Variants in ANKRD44 observed in about 807,000 individuals in gnomAD.
The protein encoded by ANKRD44 is ankyrin repeat domain 44, also known as serine/threonine-protein phosphatase 6 regulatory ankyrin repeat subunit B.
ANKRD44 carries 35 observed loss-of-function variants against 116.0 expected under a neutral mutation model. That is an observed-to-expected ratio of 0.30 (90% CI 0.23 to 0.40). ANKRD44 has a LOEUF of 0.40. Among genes scored for constraint, ANKRD44 ranks in the 10% least tolerant of loss-of-function variants. The pLI is 1.00. For missense variants in ANKRD44, 1,014 were observed against 1,242.6 expected (o/e 0.82, Z 2.77); for synonymous variants, 435 against 461.8 (o/e 0.94, Z 0.74).
rs568715116 is a variant in ANKRD44, at chr2:197,252,470, G to A, written c.27+58108C>T. Reference sequence around the variant, plus strand: ...CGCCCAGGCTGGAGCGCAGTAGCGCGATCTCGGCTCACTGCAAGCTCCGCC... The same window carrying A: ...CGCCCAGGCTGGAGCGCAGTAGCGCAATCTCGGCTCACTGCAAGCTCCGCC... On this transcript the variant is annotated intron_variant, in intron 1 of 27. Transcript: ENST00000282272. Among the ~76,000 whole-genome samples the A allele has an allele frequency of 3.9e-3, 587 of 152,058 alleles. 3 individuals are homozygous for A. The highest frequency in any genetic ancestry group is 0.014 in the African/African-American group (562 of 41,472).
At chr2:197,178,366 G>A (rs2080419527) in intron 2 of ANKRD44, among the ~76,000 whole-genome samples, 1 of 152,086 alleles carries the variant, frequency 6.6e-6, no homozygotes, top group African/African-American at 2.4e-5. Context: ...AGCTACTTGG[G>A]AAGCTGAGGC....
chr2:197,051,309 C>T (rs139161585), intron 16 of ANKRD44, among the ~76,000 whole-genome samples: 1 of 152,104 alleles, frequency 6.6e-6, no homozygotes, highest in Admixed American at 6.6e-5. Context: ...CACAATAGAG[C>T]CCAACCTTCT....
chr2:197,129,290 C>T (rs772935822), intron 4 of ANKRD44, among the ~76,000 whole-genome samples: 6 of 152,116 alleles, frequency 3.9e-5, no homozygotes, highest in African/African-American at 7.2e-5. Flanking sequence ...TGCGCCACCA[C>T]GTCCAGCTAA....
intron 16 of ANKRD44, among the ~76,000 whole-genome samples, chr2:197,056,472 T>C (rs1472839793): frequency 6.6e-6 from 1 of 152,168 alleles, no homozygotes; most frequent in African/African-American, 2.4e-5. Context: ...TGTTGAAAAT[T>C]GTAATTTTTT....
intron 4 of ANKRD44, among the ~76,000 whole-genome samples, chr2:197,131,317 G>A (rs867875976): frequency 8.4e-4 from 126 of 150,714 alleles, no homozygotes; most frequent in Admixed American, 5.6e-3. Context: ...TCAGCCTCCC[G>A]AGTAGCTGGG....
intron 3 of ANKRD44, among the ~76,000 whole-genome samples, chr2:197,141,021 A>C (rs562080869): frequency 6.6e-6 from 1 of 152,280 alleles, no homozygotes; most frequent in Admixed American, 6.5e-5. Flanking sequence ...GTTCGAGGCC[A>C]ACCTGGCCAA....
At chr2:197,151,724 C>G (rs1435466387) in intron 2 of ANKRD44, among the ~76,000 whole-genome samples, 1 of 152,170 alleles carries the variant, frequency 6.6e-6, no homozygotes, top group African/African-American at 2.4e-5. Flanking sequence ...TTTAAAATAT[C>G]TAGCCCTCTA....
chr2:197,097,996 A>G (rs1282168509), intron 10 of ANKRD44, among the ~76,000 whole-genome samples: 2 of 152,140 alleles, frequency 1.3e-5, no homozygotes, highest in African/African-American at 4.8e-5. Context: ...TGTCTTTATA[A>G]CGACTGTTCC....
chr2:196,976,361 A>G (rs2075760563), intron 21 of ANKRD44, among the ~76,000 whole-genome samples: 1 of 152,002 alleles, frequency 6.6e-6, no homozygotes, highest in Admixed American at 6.6e-5. Context: ...ATAGTGGGAG[A>G]CTGGATTCTT....
intron 4 of ANKRD44, chr2:197,133,947 C>CTTTCTTTTTTTTTTTTTTTT (rs1574519359): frequency 5.3e-5 from 3 of 56,458 alleles, no homozygotes; most frequent in East Asian, 9.5e-4. Context: ...CTTTTTCTTT[C>CTTTCTTTTTTTTTTTTTTTT]TTTTTTTTTT....
At chr2:196,997,770 G>A (rs1404873539) in intron 25 of ANKRD44, among the ~76,000 whole-genome samples, 2 of 150,858 alleles carry the variant, frequency 1.3e-5, no homozygotes, top group Non-Finnish European at 2.9e-5. Context: ...TTTTATGGAA[G>A]AAGGAATCTT....
At chr2:197,031,374 C>T (rs2076703793) in intron 16 of ANKRD44, among the ~76,000 whole-genome samples, 2 of 152,122 alleles carry the variant, frequency 1.3e-5, no homozygotes, top group Non-Finnish European at 2.9e-5. Context: ...GGTCTTGCTA[C>T]ATTACCTAGG....
chr2:196,987,148 A>G lies in ANKRD44; in HGVS notation c.*2443T>C. Reference sequence around the variant, plus strand: ...CAAACACTCAGATTGTCACTATCTTAAAATGCTTTTCCCCTATAATACTGA... The same window carrying G: ...CAAACACTCAGATTGTCACTATCTTGAAATGCTTTTCCCCTATAATACTGA... On this transcript the variant is annotated 3_prime_UTR_variant, in exon 28 of 28. Coordinates refer to ENST00000282272, the MANE Select transcript of ANKRD44 (RefSeq NM_001195144.2). The G allele has an allele frequency of 1.0e-6, 1 of 985,196 alleles. No individual in the cohort carries two copies. Among genetic ancestry groups the G allele is most frequent in the Non-Finnish European group, 1.2e-6 (1 of 829,688 alleles). 61.0% of individuals were successfully genotyped at this position (985,196 alleles called of 1,614,324 possible). A position where few individuals can be genotyped will look rare whatever the true frequency, so the allele number is the denominator to read the frequency against.
At chr2:196,997,416 A>ATCTT (rs2076032454) in intron 25 of ANKRD44, among the ~76,000 whole-genome samples, 1 of 148,820 alleles carries the variant, frequency 6.7e-6, no homozygotes, top group African/African-American at 2.5e-5. Flanking sequence ...GATATAAAAG[A>ATCTT]TAAATTATAT....
rs575419094 is a variant in ANKRD44 at position 197,091,076 on chromosome 2, G to A, written c.1101-1044C>T. ...ACGCTGGCCCTTTGCCCTCGCTGGC[G>A]GAGGGCAGCTGCCTTATGCAAAAAG... On this transcript the variant is annotated intron_variant, in intron 10 of 27. Coordinates refer to ENST00000282272, the MANE Select transcript of ANKRD44 (RefSeq NM_001195144.2). Among the ~76,000 whole-genome samples the A allele has an allele frequency of 5.3e-5, 8 of 152,368 alleles. No homozygotes were observed. The East Asian group carries it at 7.7e-4, about 15-fold the overall frequency.
chr2:197,185,720 C>G (rs1433093953), intron 2 of ANKRD44, among the ~76,000 whole-genome samples: 1 of 151,972 alleles, frequency 6.6e-6, no homozygotes, highest in Non-Finnish European at 1.5e-5. Context: ...AGTCAGATAC[C>G]TTTTTAAGAA....
rs1330641709 is a variant in ANKRD44 at position 197,212,860 on chromosome 2, G to A, written c.28-25754C>T. ...CGGTGAGAGAGAAAAAAGGAAACACGACCCCACAGCTTCCTCTGCATCTCA... is the reference window on the plus strand; with the variant it reads ...CGGTGAGAGAGAAAAAAGGAAACACAACCCCACAGCTTCCTCTGCATCTCA... On this transcript the variant is annotated intron_variant, in intron 1 of 27. Coordinates refer to ENST00000282272, the MANE Select transcript of ANKRD44 (RefSeq NM_001195144.2). The surrounding 1 kb of genome is among the most constrained non-coding windows in gnomAD (Gnocchi z 4.8). Among the ~76,000 whole-genome samples, 5 of 152,110 alleles carry A rather than the reference G, an allele frequency of 3.3e-5. No individual in the cohort carries two copies. The highest frequency in any genetic ancestry group is 7.2e-5 in the African/African-American group (3 of 41,408).
intron 21 of ANKRD44, among the ~76,000 whole-genome samples, chr2:196,973,293 GT>G (rs1201222309): frequency 6.6e-6 from 1 of 151,670 alleles, no homozygotes; most frequent in Non-Finnish European, 1.5e-5. Flanking sequence ...TGTTTTCTGT[GT>G]TTTTCCTATC....
intron 9 of ANKRD44, among the ~76,000 whole-genome samples, chr2:197,102,673 A>G (rs1465144724): frequency 6.6e-6 from 1 of 152,182 alleles, no homozygotes; most frequent in African/African-American, 2.4e-5. Flanking sequence ...CATATACACA[A>G]TACTGATATC....
Sources: allele counts gnomAD v4.1 joint callset (sites outside exome capture counted in the v4.1 genomes callset), GRCh38; gene constraint gnomAD v4.1.1; non-coding constraint Gnocchi (gnomAD v3.1); transcripts MANE v1.5; gene names NCBI Gene and HGNC (gene_info 2026-07-23, HGNC 2026-07-21).